KAZN: variants seen among roughly 807,000 people sequenced by gnomAD.
The protein encoded by KAZN is kazrin.
Under a neutral mutation model 87.4 loss-of-function variants are expected in KAZN, and 40 were observed. The ratio of observed to expected loss-of-function variants is 0.46; its 90% CI spans 0.36 to 0.60. KAZN has a LOEUF of 0.60. Ranked by LOEUF, KAZN falls within the 20% of genes least tolerant of loss-of-function variation. KAZN has a pLI of 0.00. For synonymous variants in KAZN, 466 were observed against 458.3 expected (o/e 1.02, Z -0.22); for missense variants, 898 against 1,073.9 (o/e 0.84, Z 2.29).
At chr1:15,073,329 G>C (rs577691776) in intron 8 of KAZN, among the ~76,000 whole-genome samples, 1 of 152,206 alleles carries the variant, frequency 6.6e-6, no homozygotes, top group African/African-American at 2.4e-5. Context: ...AGCTGTGTGC[G>C]TATTGAACAA....
chr1:14,528,796 ACT>A (rs2148477042), intron 2 of KAZN, among the ~76,000 whole-genome samples: 1 of 148,436 alleles, frequency 6.7e-6, no homozygotes, highest in East Asian at 2.0e-4. Context: ...CACTCTCCTG[ACT>A]CTTCTTTTCT....
Position 14,409,359 on chromosome 1 carries a change from C to T in KAZN, c.250-189624C>T, listed in dbSNP as rs115186273. On this transcript the variant is annotated intron_variant, in intron 2 of 16. Coordinates refer to the KAZN transcript ENST00000636203. The stretch of plus-strand genomic sequence containing the variant: ...ACATGAAGCCAGGACTCTGGGAGGG[C>T]TAATATTAACCACGCCATGAAAGGT... Among the ~76,000 whole-genome samples, 763 of 152,244 alleles carry T rather than the reference C, an allele frequency of 5.0e-3. 9 individuals are homozygous for T. Among genetic ancestry groups the T allele is most frequent in the African/African-American group, 0.017 (715 of 41,534 alleles).
chr1:14,189,816 A>G (rs1646386684), intron 2 of KAZN, among the ~76,000 whole-genome samples: 1 of 152,172 alleles, frequency 6.6e-6, no homozygotes, highest in Non-Finnish European at 1.5e-5. Context: ...AATTCAATCT[A>G]TCACACAAAC....
intron 2 of KAZN, among the ~76,000 whole-genome samples, chr1:14,588,306 G>C (rs1265556049): frequency 6.6e-6 from 1 of 152,090 alleles, no homozygotes; most frequent in Non-Finnish European, 1.5e-5. Context: ...AAAGAAAAGA[G>C]GTATATGGTT....
chr1:14,925,386 G>A (rs967465071), intron 1 of KAZN, among the ~76,000 whole-genome samples: 1 of 152,112 alleles, frequency 6.6e-6, no homozygotes, highest in African/African-American at 2.4e-5. Flanking sequence ...TACTTTTTCC[G>A]GGAAAAACGG....
intron 2 of KAZN, among the ~76,000 whole-genome samples, chr1:14,417,000 G>A (rs1165325522): frequency 2.5e-5 from 2 of 80,888 alleles, no homozygotes; most frequent in African/African-American, 4.0e-5. Context: ...ATGTGTGTAT[G>A]TATATATATG....
At chr1:14,231,725 A>G (rs1463423068) in intron 2 of KAZN, among the ~76,000 whole-genome samples, 1 of 152,254 alleles carries the variant, frequency 6.6e-6, no homozygotes, top group Non-Finnish European at 1.5e-5. Flanking sequence ...ATCAGTTGCC[A>G]TTTATTACAC....
At chr1:14,201,802 G>A (rs1646646155) in intron 2 of KAZN, among the ~76,000 whole-genome samples, 2 of 152,156 alleles carry the variant, frequency 1.3e-5, no homozygotes, top group East Asian at 3.9e-4. Flanking sequence ...CCGAGTAGCT[G>A]GGATTACAGG....
At chr1:14,812,893 T>C (rs759484692) in intron 1 of KAZN, among the ~76,000 whole-genome samples, 2 of 152,170 alleles carry the variant, frequency 1.3e-5, no homozygotes, top group African/African-American at 4.8e-5. Context: ...AGAAGTAGAA[T>C]CCTTGAAGAA....
intron 2 of KAZN, among the ~76,000 whole-genome samples, chr1:14,404,005 G>C (rs1316946534): frequency 2.0e-5 from 3 of 152,318 alleles, no homozygotes; most frequent in African/African-American, 4.8e-5. Context: ...AGGAACTTGA[G>C]GGGGTGGTGT....
intron 1 of KAZN, among the ~76,000 whole-genome samples, chr1:14,008,372 C>T (rs1640129765): frequency 6.6e-6 from 1 of 152,026 alleles, no homozygotes. Flanking sequence ...ACTAGGGTGG[C>T]AAATCAAACC....
At chr1:14,938,647 G>C (rs1302482014) in intron 1 of KAZN, among the ~76,000 whole-genome samples, 1 of 152,152 alleles carries the variant, frequency 6.6e-6, no homozygotes, top group Non-Finnish European at 1.5e-5. Flanking sequence ...TCAAGCACTG[G>C]GGCAGGATTT....
chr1:14,542,763 A>G (rs975603564), intron 2 of KAZN, among the ~76,000 whole-genome samples: 69 of 152,228 alleles, frequency 4.5e-4, no homozygotes, highest in African/African-American at 1.6e-3. Context: ...GTGTGAAGCT[A>G]TTTGTCTTTA....
At chr1:13,976,860 C>T (rs922156376) in intron 1 of KAZN, among the ~76,000 whole-genome samples, 2 of 152,082 alleles carry the variant, frequency 1.3e-5, no homozygotes, top group Admixed American at 1.3e-4. Context: ...TTAAGCATCA[C>T]CTTCCCTAAA....
chr1:14,549,341 G>A (rs1184750869), intron 2 of KAZN, among the ~76,000 whole-genome samples: 1 of 152,168 alleles, frequency 6.6e-6, no homozygotes, highest in Non-Finnish European at 1.5e-5. Context: ...CTGCAGCTGG[G>A]AGAGGACAGA....
At chr1:14,166,280 A>T (rs1348734067) in intron 1 of KAZN, among the ~76,000 whole-genome samples, 3 of 152,214 alleles carry the variant, frequency 2.0e-5, no homozygotes, top group Non-Finnish European at 4.4e-5. Flanking sequence ...GTGCCACTGC[A>T]CTCCAGCCTG....
At position 14,718,130 on chromosome 1, in the gene KAZN, C is replaced by T. The variant is rs1642899118; in HGVS notation, c.226+118907C>T. Among the ~76,000 whole-genome samples the T allele has an allele frequency of 1.3e-5, 2 of 152,218 alleles. 1 individual carries two copies. The highest frequency in any genetic ancestry group is 3.8e-4 in the East Asian group (2 of 5,198). On this transcript the variant is annotated intron_variant, in intron 1 of 14. Transcript: ENST00000376030. Reference sequence around the variant, plus strand: ...AAATTACCCCCAGGGAGTCTGATTCCTGTCCAGTCGCATTTTCGATGTGCT... The same window carrying T: ...AAATTACCCCCAGGGAGTCTGATTCTTGTCCAGTCGCATTTTCGATGTGCT...
At chr1:14,625,860 G>A (rs1183109225) in intron 1 of KAZN, among the ~76,000 whole-genome samples, 2 of 152,174 alleles carry the variant, frequency 1.3e-5, no homozygotes, top group African/African-American at 2.4e-5. Context: ...AGTCATTTGG[G>A]CTGGCAAAGA....
At position 15,099,437 on chromosome 1, in the gene KAZN, T is replaced by C. The variant is rs1396948032; in HGVS notation, c.1548-2106T>C. ...AAAGCACTAGGGACAGTAAGCAGAC[T>C]TGGGGGCAACTTCAGACAGCAAATT... On this transcript the variant is annotated intron_variant, in intron 10 of 14. Coordinates refer to ENST00000376030, the MANE Select transcript of KAZN (RefSeq NM_201628.3). This position sits in a 1 kb window ranked among gnomAD's most constrained non-coding sequence, Gnocchi z 5.4. Among the ~76,000 whole-genome samples the C allele has an allele frequency of 1.3e-5, 2 of 152,132 alleles. No individual in the cohort carries two copies. Among genetic ancestry groups the C allele is most frequent in the Non-Finnish European group, 2.9e-5 (2 of 68,022 alleles).
Sources: allele counts gnomAD v4.1 joint callset (sites outside exome capture counted in the v4.1 genomes callset), GRCh38; gene constraint gnomAD v4.1.1; non-coding constraint Gnocchi (gnomAD v3.1); transcripts MANE v1.5; gene names NCBI Gene and HGNC (gene_info 2026-07-23, HGNC 2026-07-21).